The following ST6GALNAC3 variants were observed in gnomAD, a reference collection of about 807,000 sequenced individuals.
ST6GALNAC3 encodes alpha-N-acetylgalactosaminide alpha-2,6-sialyltransferase 3.
Under a neutral mutation model 32.7 loss-of-function variants are expected in ST6GALNAC3, and 25 were observed. The ratio of observed to expected loss-of-function variants is 0.76; its 90% CI spans 0.56 to 1.07. The LOEUF (loss-of-function observed/expected upper bound fraction) is 1.07, where lower values mean the gene tolerates loss of function less well. Among genes scored for constraint, ST6GALNAC3 ranks in the 50% least tolerant of loss-of-function variants. ST6GALNAC3 has a pLI of 0.00. For missense variants in ST6GALNAC3, 355 were observed against 382.4 expected (o/e 0.93, Z 0.60); for synonymous variants, 129 against 133.1 (o/e 0.97, Z 0.21).
intron 1 of ST6GALNAC3, among the ~76,000 whole-genome samples, chr1:76,214,910 C>T (rs1655371963): frequency 6.6e-6 from 1 of 152,148 alleles, no homozygotes. Flanking sequence ...TCTTGGCTTT[C>T]ACTTAACCTG....
intron 3 of ST6GALNAC3, among the ~76,000 whole-genome samples, chr1:76,525,791 G>GTGTATA (rs1438917629): frequency 0.028 from 2,136 of 75,186 alleles, 93 homozygotes; most frequent in East Asian, 0.048. Flanking sequence ...GTGTGTGTGT[G>GTGTATA]TATATATATA....
chr1:76,440,816 A>C (rs1370346504), intron 3 of ST6GALNAC3, among the ~76,000 whole-genome samples: 1 of 152,138 alleles, frequency 6.6e-6, no homozygotes. Flanking sequence ...GGCTGGGCGC[A>C]GTGACTCATG....
rs563180519 is a variant in ST6GALNAC3, at chr1:76,509,631, T to C, written c.623+97214T>C. On this transcript the variant is annotated intron_variant, in intron 3 of 4. Coordinates refer to ENST00000328299, the MANE Select transcript of ST6GALNAC3 (RefSeq NM_152996.4). The surrounding 1 kb of genome is among the most constrained non-coding windows in gnomAD (Gnocchi z 5.5). ...TTTAAAACAACACAAAGTTATTTTA[T>C]ACAGTTCGAAGTTAGAAGTCTAAAA... Among the ~76,000 whole-genome samples the C allele has an allele frequency of 4.5e-4, 68 of 152,346 alleles. No individual in the cohort carries two copies. Among genetic ancestry groups the C allele is most frequent in the African/African-American group, 1.6e-3 (65 of 41,586 alleles).
chr1:76,485,138 G>T (rs1660022589), intron 3 of ST6GALNAC3, among the ~76,000 whole-genome samples: 1 of 152,140 alleles, frequency 6.6e-6, no homozygotes, highest in Non-Finnish European at 1.5e-5. Context: ...ATTTTACTGA[G>T]GATTTTTGCA....
At chr1:76,268,685 G>A (rs776095727) in intron 1 of ST6GALNAC3, among the ~76,000 whole-genome samples, 13 of 152,318 alleles carry the variant, frequency 8.5e-5, no homozygotes, top group Middle Eastern at 3.4e-3. Context: ...AATACTTGAG[G>A]AAGCAAAGTA....
rs116059523 is a variant in ST6GALNAC3 at position 76,421,075 on chromosome 1, A to G, written c.623+8658A>G. 3.9e-3 allele frequency among the ~76,000 whole-genome samples: 595 copies of G among 152,192 alleles called. 2 individuals are homozygous for G. Among genetic ancestry groups the G allele is most frequent in the African/African-American group, 0.014 (575 of 41,554 alleles). On this transcript the variant is annotated intron_variant, in intron 3 of 4. Coordinates refer to ENST00000328299, the MANE Select transcript of ST6GALNAC3 (RefSeq NM_152996.4). ...TTAATAGGTATTCAGTAAAGATTTAATGGGTGAATGAATAAATAAATGGAC... is the reference window on the plus strand; with the variant it reads ...TTAATAGGTATTCAGTAAAGATTTAGTGGGTGAATGAATAAATAAATGGAC...
chr1:76,318,109 TTAAAA>T (rs80336228), intron 2 of ST6GALNAC3, among the ~76,000 whole-genome samples: 12,196 of 152,042 alleles, frequency 0.08, 613 homozygotes, highest in Middle Eastern at 0.14. Flanking sequence ...AATACAAAAA[TTAAAA>T]TAAAAGGAAC....
intron 2 of ST6GALNAC3, among the ~76,000 whole-genome samples, chr1:76,336,436 T>C (rs1237116204): frequency 6.6e-6 from 1 of 152,292 alleles, no homozygotes; most frequent in East Asian, 1.9e-4. Flanking sequence ...GTAATGTATT[T>C]TTGTGAAATA....
chr1:76,341,108 C>T (rs948024350), intron 2 of ST6GALNAC3, among the ~76,000 whole-genome samples: 3 of 151,364 alleles, frequency 2.0e-5, no homozygotes, highest in Non-Finnish European at 2.9e-5. Context: ...GGATACATTG[C>T]GCGATACGGA....
chr1:76,239,309 C>T (rs759534529), intron 1 of ST6GALNAC3, among the ~76,000 whole-genome samples: 5 of 152,034 alleles, frequency 3.3e-5, no homozygotes, highest in African/African-American at 4.8e-5. Flanking sequence ...ACTCCTCTTC[C>T]GTGGAGGAAG....
intron 1 of ST6GALNAC3, among the ~76,000 whole-genome samples, chr1:76,125,708 C>T (rs1234514170): frequency 6.6e-6 from 1 of 152,166 alleles, no homozygotes; most frequent in African/African-American, 2.4e-5. Flanking sequence ...GGTTCAAAAT[C>T]TTTGTTGTTG....
chr1:76,447,687 A>T (rs1456657162), intron 3 of ST6GALNAC3, among the ~76,000 whole-genome samples: 1 of 152,080 alleles, frequency 6.6e-6, no homozygotes, highest in East Asian at 1.9e-4. Flanking sequence ...CAGCATGGCT[A>T]AAAGGGATCA....
At chr1:76,591,570 A>G (rs143484533) in intron 3 of ST6GALNAC3, among the ~76,000 whole-genome samples, 1 of 152,290 alleles carries the variant, frequency 6.6e-6, no homozygotes, top group African/African-American at 2.4e-5. Flanking sequence ...CATGCCTTGC[A>G]TTACCCTAAA....
chr1:76,234,635 C>T (rs1419269738), intron 1 of ST6GALNAC3, among the ~76,000 whole-genome samples: 1 of 152,192 alleles, frequency 6.6e-6, no homozygotes, highest in African/African-American at 2.4e-5. Context: ...CTCCATGTAG[C>T]AATTCCAAGA....
At chr1:76,614,142 T>G (rs1263153614) in intron 3 of ST6GALNAC3, among the ~76,000 whole-genome samples, 1 of 152,254 alleles carries the variant, frequency 6.6e-6, no homozygotes, top group Non-Finnish European at 1.5e-5. Flanking sequence ...CAGACATAGT[T>G]GACTTCGATA....
chr1:76,502,913 C>T (rs6593543), intron 3 of ST6GALNAC3, among the ~76,000 whole-genome samples: 147,633 of 152,284 alleles, frequency 0.97, 71,632 homozygotes, highest in East Asian at 1. Flanking sequence ...ATGAACAATA[C>T]TAAAATATTT....
chr1:76,401,431 A>G (rs1653407471), intron 2 of ST6GALNAC3, among the ~76,000 whole-genome samples: 1 of 152,168 alleles, frequency 6.6e-6, no homozygotes, highest in South Asian at 2.1e-4. Context: ...ACTAGACTCC[A>G]ATCTCATTGA....
At chr1:76,299,089 C>T (rs896304890) in intron 1 of ST6GALNAC3, among the ~76,000 whole-genome samples, 1 of 151,970 alleles carries the variant, frequency 6.6e-6, no homozygotes, top group African/African-American at 2.4e-5. Flanking sequence ...GAATACAGGG[C>T]CACCTTCATG....
At chr1:76,171,818 A>AAC (rs1491264768) in intron 1 of ST6GALNAC3, among the ~76,000 whole-genome samples, 109 of 17,120 alleles carry the variant, frequency 6.4e-3, no homozygotes, top group African/African-American at 0.022. Flanking sequence ...AAACAACAAC[A>AAC]AAAAAAAAAA....
Sources: gnomAD v4.1 joint callset for allele counts (sites outside exome capture counted in the v4.1 genomes callset) on GRCh38, gnomAD v4.1.1 for gene constraint, Gnocchi (gnomAD v3.1) non-coding constraint, MANE v1.5 for transcripts, NCBI Gene and HGNC (gene_info 2026-07-23, HGNC 2026-07-21) for gene names.